The following ACVR1 variants were observed in gnomAD, a reference collection of about 807,000 sequenced individuals.
ACVR1 encodes the protein activin A receptor type 1, also known as activin receptor type-1.
ACVR1 carries 38 observed loss-of-function variants against 57.1 expected under a neutral mutation model. That is an observed-to-expected ratio of 0.67 (90% CI 0.51 to 0.87). The LOEUF (loss-of-function observed/expected upper bound fraction) is 0.87. Among genes scored for constraint, ACVR1 ranks in the 40% least tolerant of loss-of-function variants. The pLI is 0.00. For synonymous variants in ACVR1, 212 were observed against 228.1 expected (o/e 0.93, Z 0.63); for missense variants, 463 against 638.2 (o/e 0.73, Z 2.96).
At chr2:157,755,551 A>ACCAT (rs1487628757) in intron 9 of ACVR1, among the ~76,000 whole-genome samples, 2 of 151,828 alleles carry the variant, frequency 1.3e-5, no homozygotes, top group Non-Finnish European at 2.9e-5. Flanking sequence ...ACCATACCAT[A>ACCAT]CCATACCATA....
At chr2:157,766,693 T>G (rs1685873712) in intron 7 of ACVR1, among the ~76,000 whole-genome samples, 1 of 152,146 alleles carries the variant, frequency 6.6e-6, no homozygotes, top group African/African-American at 2.4e-5. Flanking sequence ...GGGGGCAAGT[T>G]TACATTAAAT....
chr2:157,793,592 T>G (rs913570410), intron 3 of ACVR1, among the ~76,000 whole-genome samples: 2 of 152,208 alleles, frequency 1.3e-5, no homozygotes, highest in African/African-American at 4.8e-5. Flanking sequence ...CCTTAGTATG[T>G]CATCCCTTTC....
At chr2:157,845,638 G>A (rs1248514754) in intron 1 of ACVR1, among the ~76,000 whole-genome samples, 2 of 150,984 alleles carry the variant, frequency 1.3e-5, no homozygotes, top group Non-Finnish European at 2.9e-5. Context: ...AGATGGTGAG[G>A]GGAATGCTGC....
At chr2:157,843,777 G>T (rs1211089000) in intron 1 of ACVR1, among the ~76,000 whole-genome samples, 2 of 152,072 alleles carry the variant, frequency 1.3e-5, no homozygotes, top group Non-Finnish European at 2.9e-5. Context: ...GTTATATTAG[G>T]ATTCATGGAT....
intron 9 of ACVR1, among the ~76,000 whole-genome samples, chr2:157,746,634 A>G (rs1470829047): frequency 1.3e-5 from 2 of 152,212 alleles, no homozygotes; most frequent in Non-Finnish European, 2.9e-5. Context: ...TCGGCATCAC[A>G]TTTTCTTACC....
intron 1 of ACVR1, among the ~76,000 whole-genome samples, chr2:157,831,128 C>A (rs1157221801): frequency 6.6e-6 from 1 of 152,186 alleles, no homozygotes; most frequent in African/African-American, 2.4e-5. Context: ...CCCCACCCCA[C>A]TACCCATTTT....
At chr2:157,865,013 C>T (rs1689862996) in intron 1 of ACVR1, among the ~76,000 whole-genome samples, 1 of 146,366 alleles carries the variant, frequency 6.8e-6, no homozygotes, top group Admixed American at 6.9e-5. Context: ...ACACACCAGA[C>T]ATAGTGCTTT....
At position 157,799,469 on chromosome 2, in the gene ACVR1, G is replaced by A. The variant is rs753322618; in HGVS notation, c.25C>T (p.Pro9Ser). 4.3e-6 allele frequency: 7 copies of A among 1,612,242 alleles called. No individual in the cohort carries two copies. Among genetic ancestry groups the A allele is most frequent in the Non-Finnish European group, 5.9e-6 (7 of 1,178,684 alleles). Residue 9 changes from proline to serine, a missense_variant, in exon 3 of 11, where the codon CCT becomes TCT. Pro to Ser is a moderately conservative substitution (Grantham distance 74). Coordinates refer to ENST00000434821, the MANE Select transcript of ACVR1 (RefSeq NM_001111067.4). ...GGGAGAGCAATCATGATAAGCACAG[G>A]AAGAATCATCACTCCATCTACCATT... MVDGVMIL[P>S]VLIMIALPSP...
chr2:157,777,365 G>C (rs1686331345), intron 5 of ACVR1, among the ~76,000 whole-genome samples: 1 of 152,042 alleles, frequency 6.6e-6, no homozygotes, highest in Admixed American at 6.5e-5. Context: ...ATATGCTATA[G>C]GTGTAAAATA....
chr2:157,814,111 A>G (rs548237501), intron 2 of ACVR1, among the ~76,000 whole-genome samples: 1 of 152,246 alleles, frequency 6.6e-6, no homozygotes, highest in Non-Finnish European at 1.5e-5. Flanking sequence ...GGCATTCAAT[A>G]AATAATTGTT....
At chr2:157,809,623 A>C (rs1687680786) in intron 2 of ACVR1, among the ~76,000 whole-genome samples, 1 of 152,128 alleles carries the variant, frequency 6.6e-6, no homozygotes, top group South Asian at 2.1e-4. Flanking sequence ...GACCAGAAAC[A>C]CTCACTGACC....
At chr2:157,747,438 T>C (rs763794060) in intron 9 of ACVR1, among the ~76,000 whole-genome samples, 24 of 151,920 alleles carry the variant, frequency 1.6e-4, no homozygotes, top group Non-Finnish European at 3.1e-4. Context: ...TATCTAACAA[T>C]ATGGAAATGG....
At chr2:157,855,308 G>GTGTGTGTGTGTA (rs1307480066) in intron 1 of ACVR1, among the ~76,000 whole-genome samples, 1 of 51,656 alleles carries the variant, frequency 1.9e-5, no homozygotes, top group African/African-American at 6.7e-5. Context: ...GTGTGTGTGT[G>GTGTGTGTGTGTA]TATATATATA....
chr2:157,738,324 G>A (rs1684618676), intron 10 of ACVR1, 116 bp downstream of exon 10: 10 of 1,494,828 alleles, frequency 6.7e-6, no homozygotes, highest in Non-Finnish European at 9.3e-6. Context: ...AATAGGAAGA[G>A]AAAACAACAG....
intron 2 of ACVR1, among the ~76,000 whole-genome samples, chr2:157,805,470 G>A (rs1687485433): frequency 6.6e-6 from 1 of 152,148 alleles, no homozygotes; most frequent in South Asian, 2.1e-4. Context: ...ATTGGTAAGG[G>A]CTCTCACTAT....
intron 3 of ACVR1, chr2:157,790,282 T>G (rs2105293811): frequency 6.6e-6 from 1 of 152,388 alleles, no homozygotes; most frequent in African/African-American, 2.4e-5. Context: ...TGGTTCCGTT[T>G]CGAACTCTGG....
At chr2:157,794,903 T>G (rs961451257) in intron 3 of ACVR1, among the ~76,000 whole-genome samples, 1 of 151,806 alleles carries the variant, frequency 6.6e-6, no homozygotes, top group African/African-American at 2.4e-5. Context: ...AAAAAATCAC[T>G]GTTTAGAACT....
chr2:157,749,353 C>T (rs1685093212), intron 9 of ACVR1, among the ~76,000 whole-genome samples: 2 of 152,176 alleles, frequency 1.3e-5, no homozygotes, highest in African/African-American at 2.4e-5. Context: ...TAAGGCATCA[C>T]CATTTAATAA....
At chr2:157,750,134 C>T (rs1402392826) in intron 9 of ACVR1, among the ~76,000 whole-genome samples, 1 of 152,206 alleles carries the variant, frequency 6.6e-6, no homozygotes, top group South Asian at 2.1e-4. Context: ...GACCTGAGGA[C>T]TGGCCTTCCC....
Sources: allele counts gnomAD v4.1 joint callset (sites outside exome capture counted in the v4.1 genomes callset), GRCh38; gene constraint gnomAD v4.1.1; transcripts MANE v1.5; gene names NCBI Gene and HGNC (gene_info 2026-07-23, HGNC 2026-07-21).